The following CHPF variants were observed in gnomAD, a reference collection of about 807,000 sequenced individuals.
CHPF encodes chondroitin polymerizing factor, also known as chondroitin polymerizing factor, non-catalytic subunit.
In CHPF, 34 loss-of-function variants were observed where a neutral mutation model predicts 55.1. The observed-to-expected ratio is 0.62, with a 90% CI of 0.47 to 0.82. The LOEUF (loss-of-function observed/expected upper bound fraction) is 0.82. Ranked by LOEUF, CHPF falls within the 40% of genes least tolerant of loss-of-function variation. CHPF has a pLI of 0.00. For missense variants in CHPF, 961 were observed against 1,106.1 expected, an observed-to-expected ratio of 0.87 and a Z score of 1.86; for synonymous variants, 489 against 496.6, an observed-to-expected ratio of 0.98 and a Z score of 0.20.
At chr2:219,541,395 T>G in intron 2 of CHPF, 2 of 555,216 alleles carry the variant, frequency 3.6e-6, no homozygotes, top group East Asian at 6.2e-5. Context: ...TCCCTGATTT[T>G]TTCTAATCCT....
In CHPF at chr2:219,541,790, G is replaced by A. The variant is rs759217946; in HGVS notation, c.714C>T (p.Thr238=). ...RPQDFIGGEP[T]PGRYCHGGFG... is the part of the protein sequence containing the mutation. ...AGCCTCCGTGGCAGTAGCGGCCGGG[G>A]GTGGGCTCTCCGCCGATGAAGTCCT... Residue 238 remains threonine, a synonymous_variant, in exon 2 of 4, where the codon ACC becomes ACT. Transcript: ENST00000243776. 28 of 1,607,260 alleles carry A rather than the reference G, an allele frequency of 1.7e-5. No homozygotes were observed. Among genetic ancestry groups the A allele is most frequent in the Non-Finnish European group, 2.0e-5 (23 of 1,176,636 alleles).
rs1695325170 is a variant in CHPF, at chr2:219,543,594, T to G, written c.-56A>C. ...CGAACCCCCAGAGCAGCCAGAGGAG[T>G]CTCCGAGGGGGCGGGACCGGGGAGG... On this transcript the variant is annotated 5_prime_UTR_variant, in exon 1 of 4. Transcript: ENST00000243776. The G allele has an allele frequency of 8.0e-7, 1 of 1,254,150 alleles. No homozygotes were observed. The highest frequency in any genetic ancestry group is 1.0e-6 in the Non-Finnish European group (1 of 988,246). 77.7% of individuals were successfully genotyped at this position (1,254,150 alleles called of 1,614,324 possible). A position where few individuals can be genotyped will look rare whatever the true frequency, so the allele number is the denominator to read the frequency against.
chr2:219,542,445 G>T (rs115041685), intron 1 of CHPF, among the ~76,000 whole-genome samples: 2 of 152,066 alleles, frequency 1.3e-5, no homozygotes, highest in Non-Finnish European at 2.9e-5. Context: ...CTGACTCCGG[G>T]GTTCGCTACT....
chr2:219,543,778 G>A lies in CHPF; in HGVS notation c.-240C>T, dbSNP rs1695330175. On this transcript the variant is annotated 5_prime_UTR_variant, in exon 1 of 4. Coordinates refer to ENST00000243776, the MANE Select transcript of CHPF (RefSeq NM_024536.6). Reference sequence around the variant, plus strand: ...TCTTGCGCTCGGCACTGGAGCCTCAGCCGCGGCCGCAGCTGTCCGACGTGT... The same window carrying A: ...TCTTGCGCTCGGCACTGGAGCCTCAACCGCGGCCGCAGCTGTCCGACGTGT... 3 of 462,722 alleles carry A rather than the reference G, an allele frequency of 6.5e-6. No individual in the cohort carries two copies. Among genetic ancestry groups the A allele is most frequent in the South Asian group, 4.2e-5 (1 of 24,064 alleles). The allele number at this position is 462,722 out of a possible 1,614,324, so 28.7% of individuals were successfully genotyped here. A position where few individuals can be genotyped will look rare whatever the true frequency, so the allele number is the denominator to read the frequency against.
rs752367537 is a variant in CHPF at position 219,540,271 on chromosome 2, G to A, written c.1440C>T (p.Pro480=). The A allele has an allele frequency of 6.2e-7, 1 of 1,613,800 alleles. No individual in the cohort carries two copies. The highest frequency in any genetic ancestry group is 1.1e-5 in the South Asian group (1 of 91,078). Residue 480 remains proline (P), a synonymous_variant, in exon 4 of 4, where the codon CCC becomes CCT. Coordinates refer to ENST00000243776, the MANE Select transcript of CHPF (RefSeq NM_024536.6). ...GGAGCAGCTGCACTCGGCGAGTGAG[G>A]GGCCGGCGGCCTCCCTGGGGGGTCA... ...EALTPQGGRR[P]LTRRVQLLRP...
At position 219,539,151 on chromosome 2, in the gene CHPF, G is replaced by A. The variant is rs545971503; in HGVS notation, c.*232C>T. 3.1e-5 allele frequency: 17 copies of A among 547,962 alleles called. No homozygotes were observed. The highest frequency in any genetic ancestry group is 1.2e-4 in the East Asian group (4 of 33,954). The allele number at this position is 547,962 out of a possible 1,614,324, so 33.9% of individuals were successfully genotyped here. On this transcript the variant is annotated 3_prime_UTR_variant, in exon 4 of 4. Coordinates refer to ENST00000243776, the MANE Select transcript of CHPF (RefSeq NM_024536.6). ...GGAGGCCACAGCCCGAATCAGCAGC[G>A]TCAGGGGGCAGGGAAACTGGGTTTG...
In CHPF at chr2:219,543,715, C is replaced by G. The variant is rs997891012; in HGVS notation, c.-177G>C. 9.0e-6 allele frequency: 4 copies of G among 444,496 alleles called. No homozygotes were observed. Among genetic ancestry groups the G allele is most frequent in the Non-Finnish European group, 1.5e-5 (4 of 259,906 alleles). 27.5% of individuals were successfully genotyped at this position (444,496 alleles called of 1,614,324 possible). A position where few individuals can be genotyped will look rare whatever the true frequency, so the allele number is the denominator to read the frequency against. ...GAGCCGAATCCCCGGAGCCGCGCCT[C>G]GATTCCCCTCCAGCAGCTGCTCTGG... On this transcript the variant is annotated 5_prime_UTR_variant, in exon 1 of 4. Coordinates refer to ENST00000243776, the MANE Select transcript of CHPF (RefSeq NM_024536.6).
chr2:219,542,390 G>C (rs188641011), intron 1 of CHPF, among the ~76,000 whole-genome samples: 4 of 152,310 alleles, frequency 2.6e-5, no homozygotes, highest in Non-Finnish European at 5.9e-5. Flanking sequence ...CTTTGCATTT[G>C]GGAGATGGCA....
In CHPF at chr2:219,539,380, G is replaced by A; in HGVS notation, c.*3C>T. 6.3e-7 allele frequency: 1 copy of A among 1,590,980 alleles called. No homozygotes were observed. Among genetic ancestry groups the A allele is most frequent in the African/African-American group, 1.3e-5 (1 of 74,672 alleles). ...TGCCACGGCCCACGGGGACAGGGTG[G>A]GGTCAGGTGCTGTTGCCCTGCTCCT... is the stretch of plus-strand genomic sequence containing the variant. On this transcript the variant is annotated 3_prime_UTR_variant, in exon 4 of 4. Transcript: ENST00000243776.
Position 219,539,915 on chromosome 2 carries a change from T to A in CHPF, c.1796A>T (p.Asp599Val), listed in dbSNP as rs745605419. The A allele has an allele frequency of 6.2e-7, 1 of 1,613,698 alleles. No homozygotes were observed. Among genetic ancestry groups the A allele is most frequent in the South Asian group, 1.1e-5 (1 of 91,078 alleles). ...CAGCGGGTGCTTCTTGGAGAGTAGATCCATGAGGCGCAGTGGTGAGGGTGC... is the reference window on the plus strand; with the variant it reads ...CAGCGGGTGCTTCTTGGAGAGTAGAACCATGAGGCGCAGTGGTGAGGGTGC... The part of the protein sequence containing the change: ...TAAPSPLRLM[D>V]LLSKKHPLDT... The change falls in exon 4 of 4, where the codon GAT becomes GTT. Residue 599 changes from aspartate to valine, a missense_variant. Asp to Val is a radical substitution (Grantham distance 152). This residue lies in a region of CHPF where 936 missense variants were observed against 1,058.4 expected (regional missense o/e 0.88). Coordinates refer to ENST00000243776, the MANE Select transcript of CHPF (RefSeq NM_024536.6).
chr2:219,541,769 T>C lies in CHPF; in HGVS notation c.735A>G (p.Gly245=). 1.9e-6 allele frequency: 3 copies of C among 1,609,572 alleles called. No individual in the cohort carries two copies. The highest frequency in any genetic ancestry group is 2.5e-6 in the Non-Finnish European group (3 of 1,177,886). ...GEPTPGRYCH[G]GFGVLLSRML... ...TGCGCGACAGCAGCACCCCAAAGCC[T>C]CCGTGGCAGTAGCGGCCGGGGGTGG... The change falls in exon 2 of 4, where the codon GGA becomes GGG. Residue 245 remains glycine (G), a synonymous_variant. Transcript: ENST00000243776.
Position 219,539,522 on chromosome 2 carries a change from C to G in CHPF, c.2189G>C (p.Arg730Pro). 1 of 1,613,764 alleles carries G rather than the reference C, an allele frequency of 6.2e-7. No homozygotes were observed. The highest frequency in any genetic ancestry group is 2.2e-5 in the East Asian group (1 of 44,874). The change falls in exon 4 of 4, where the codon CGC becomes CCC. Residue 730 changes from arginine to proline, a missense_variant. By Grantham distance (103) the Arg-to-Pro change is moderately radical (BLOSUM62 -2). Transcript: ENST00000243776. Reference protein sequence around the residue: ...LRAVEPALLQRYRAQTCSARL... With the variant: ...LRAVEPALLQPYRAQTCSARL... ...CGCGCTGCACGTCTGGGCCCGGTAG[C>G]GCTGCAGCAGCGCCGGCTCCACCGC...
chr2:219,541,424 T>C, intron 2 of CHPF, 192 bp downstream of exon 2: 1 of 569,908 alleles, frequency 1.8e-6, no homozygotes, highest in Non-Finnish European at 3.0e-6. Flanking sequence ...CCCCGAGCAA[T>C]AATTATTTCC....
chr2:219,539,512 G>C lies in CHPF; in HGVS notation c.2199C>G (p.Ala733=). The part of the protein sequence containing the change: ...VEPALLQRYR[A]QTCSARLSED... ...CACTGAGCCTCGCGCTGCACGTCTGGGCCCGGTAGCGCTGCAGCAGCGCCG... is the reference window on the plus strand; with the variant it reads ...CACTGAGCCTCGCGCTGCACGTCTGCGCCCGGTAGCGCTGCAGCAGCGCCG... The change falls in exon 4 of 4, where the codon GCC becomes GCG. Residue 733 remains alanine (A), a synonymous_variant. Coordinates refer to ENST00000243776, the MANE Select transcript of CHPF (RefSeq NM_024536.6). 1 of 1,613,768 alleles carries C rather than the reference G, an allele frequency of 6.2e-7. No individual in the cohort carries two copies. Among genetic ancestry groups the C allele is most frequent in the Admixed American group, 1.7e-5 (1 of 60,008 alleles).
At chr2:219,540,787 T>C (rs891273787) in intron 3 of CHPF, 145 bp from the exon 4 acceptor site, 3 of 1,285,726 alleles carry the variant, frequency 2.3e-6, no homozygotes, top group African/African-American at 3.0e-5. Flanking sequence ...TTCCCCAGCA[T>C]AGACAGCCAA....
Position 219,543,626 on chromosome 2 carries a change from A to G in CHPF, c.-88T>C. On this transcript the variant is annotated 5_prime_UTR_variant, in exon 1 of 4. Transcript: ENST00000243776. Reference sequence around the variant, plus strand: ...GGGGGCGGGACCGGGGAGGGGGCGGATCCGGAGGGCTCGGGCCCCGCGGGC... The same window carrying G: ...GGGGGCGGGACCGGGGAGGGGGCGGGTCCGGAGGGCTCGGGCCCCGCGGGC... 1.9e-6 allele frequency: 2 copies of G among 1,077,172 alleles called. No homozygotes were observed. The highest frequency in any genetic ancestry group is 2.4e-6 in the Non-Finnish European group (2 of 829,388). The allele number at this position is 1,077,172 out of a possible 1,614,324, so 66.7% of individuals were successfully genotyped here.
intron 1 of CHPF, chr2:219,542,883 C>T (rs1046040462): frequency 1.8e-6 from 2 of 1,097,882 alleles, no homozygotes; most frequent in African/African-American, 3.3e-5. Context: ...TAGTTCTCTC[C>T]TTTCTCTTCC....
Position 219,543,470 on chromosome 2 carries a change from G to A in CHPF, c.69C>T (p.Gly23=). The A allele has an allele frequency of 4.9e-6, 7 of 1,437,064 alleles. No homozygotes were observed. Among genetic ancestry groups the A allele is most frequent in the South Asian group, 1.4e-5 (1 of 70,546 alleles). The allele number at this position is 1,437,064 out of a possible 1,614,324, so 89.0% of individuals were successfully genotyped here. ...AGPVAVGISL[G]FTLSLLSVTW... ...TGACGCTGAGCAGGCTCAGGGTGAA[G>A]CCCAGGGAGATGCCCACGGCCACGG... is the stretch of plus-strand genomic sequence containing the variant. The change falls in exon 1 of 4, where the codon GGC becomes GGT. Residue 23 remains glycine, a synonymous_variant. Coordinates refer to ENST00000243776, the MANE Select transcript of CHPF (RefSeq NM_024536.6).
In CHPF at chr2:219,539,622, G is replaced by T; in HGVS notation, c.2089C>A (p.Gln697Lys). Residue 697 changes from glutamine to lysine, a missense_variant, in exon 4 of 4, where the codon CAA becomes AAA. This residue lies in a region of CHPF where 936 missense variants were observed against 1,058.4 expected (regional missense o/e 0.88). Coordinates refer to ENST00000243776, the MANE Select transcript of CHPF (RefSeq NM_024536.6). ...AGGCTCTCCAGCAGCTCCTCTTCTT[G>T]TTCTGAGGCTGCCGCCAGGCGCCCA... is the stretch of plus-strand genomic sequence containing the variant. ...ARGRLAAASE[Q>K]EEELLESLDV... 1 of 1,613,926 alleles carries T rather than the reference G, an allele frequency of 6.2e-7. No individual in the cohort carries two copies. Among genetic ancestry groups the T allele is most frequent in the South Asian group, 1.1e-5 (1 of 91,092 alleles).
Sources: allele counts gnomAD v4.1 joint callset (sites outside exome capture counted in the v4.1 genomes callset), GRCh38; gene constraint gnomAD v4.1.1; regional missense constraint gnomAD v4.1.1; transcripts MANE v1.5; gene names NCBI Gene and HGNC (gene_info 2026-07-23, HGNC 2026-07-21).